The following NHSL1 variants were observed in gnomAD, a reference collection of about 807,000 sequenced individuals.
NHSL1 encodes the protein NHS-like protein 1.
NHSL1 carries 48 observed loss-of-function variants against 95.0 expected under a neutral mutation model. The ratio of observed to expected loss-of-function variants is 0.51; its 90% confidence interval spans 0.40 to 0.64. The LOEUF (loss-of-function observed/expected upper bound fraction) is 0.64, where lower values mean the gene tolerates loss of function less well. NHSL1 is among the 30% of genes least tolerant of loss of function. The probability of loss-of-function intolerance (pLI) is 0.00; values close to 1 mark genes in which losing one functional copy is unlikely to be tolerated. For synonymous variants in NHSL1, 783 were observed against 833.9 expected (o/e 0.94, Z 1.05); for missense variants, 1,971 against 2,077.7 (o/e 0.95, Z 1.00).
intron 1 of NHSL1, among the ~76,000 whole-genome samples, chr6:138,634,103 G>A (rs773916609): frequency 1.3e-5 from 2 of 151,846 alleles, no homozygotes; most frequent in African/African-American, 2.4e-5. Context: ...TAATCATATC[G>A]CCAGAGAAAA....
At chr6:138,459,089 T>C (rs759918217) in intron 3 of NHSL1, among the ~76,000 whole-genome samples, 12 of 152,050 alleles carry the variant, frequency 7.9e-5, no homozygotes, top group African/African-American at 2.9e-4. Flanking sequence ...CTCCACCTCC[T>C]GGGTTCTCCT....
chr6:138,591,480 G>C (rs1199559076), intron 1 of NHSL1, among the ~76,000 whole-genome samples: 1 of 152,066 alleles, frequency 6.6e-6, no homozygotes, highest in Non-Finnish European at 1.5e-5. Flanking sequence ...GTGGTGTGTT[G>C]ATCACAGCTC....
intron 1 of NHSL1, among the ~76,000 whole-genome samples, chr6:138,640,764 G>T (rs917599860): frequency 5.3e-5 from 8 of 152,116 alleles, no homozygotes; most frequent in African/African-American, 1.9e-4. Context: ...AATGTACAAG[G>T]TTGGTTCCCC....
chr6:138,580,614 A>T (rs1213362913), intron 1 of NHSL1, among the ~76,000 whole-genome samples: 1 of 152,206 alleles, frequency 6.6e-6, no homozygotes, highest in Admixed American at 6.5e-5. Flanking sequence ...CCAGCCTGCT[A>T]AAATCTTGAA....
chr6:138,645,397 C>A (rs986588701), intron 1 of NHSL1, among the ~76,000 whole-genome samples: 3 of 151,238 alleles, frequency 2.0e-5, no homozygotes, highest in African/African-American at 7.3e-5. Context: ...AAATTGTAAC[C>A]CTCTCTCTCT....
intron 1 of NHSL1, among the ~76,000 whole-genome samples, chr6:138,557,529 G>A (rs778945159): frequency 3.0e-4 from 45 of 152,228 alleles, no homozygotes; most frequent in Admixed American, 6.5e-5. Context: ...ATACAAAACA[G>A]TCACTGGAAG....
chr6:138,545,308 C>T (rs1367425538), intron 1 of NHSL1, among the ~76,000 whole-genome samples: 1 of 152,096 alleles, frequency 6.6e-6, no homozygotes, highest in Non-Finnish European at 1.5e-5. Flanking sequence ...TAAACTATTC[C>T]TATATTTATT....
intron 1 of NHSL1, chr6:138,545,533 G>C (rs1003349904): frequency 1.8e-5 from 17 of 953,846 alleles, no homozygotes; most frequent in Admixed American, 4.9e-5. Context: ...ATTTTTACTG[G>C]AATCAGCTCT....
intron 1 of NHSL1, among the ~76,000 whole-genome samples, chr6:138,606,857 C>T (rs1232054075): frequency 2.6e-5 from 4 of 151,944 alleles, no homozygotes; most frequent in Non-Finnish European, 5.9e-5. Context: ...TACCCGCCAC[C>T]GCACCTGGCT....
intron 3 of NHSL1, among the ~76,000 whole-genome samples, chr6:138,451,854 A>G (rs1777258622): frequency 6.6e-6 from 1 of 152,202 alleles, no homozygotes. Flanking sequence ...TTATGTCTGT[A>G]AATAAGAATG....
chr6:138,595,188 A>G (rs1784287351), intron 1 of NHSL1, among the ~76,000 whole-genome samples: 1 of 152,154 alleles, frequency 6.6e-6, no homozygotes, highest in Non-Finnish European at 1.5e-5. Flanking sequence ...TTCTTTCTAA[A>G]TAATATTTAC....
At chr6:138,550,443 A>C (rs1034683058), upstream of NHSL1, among the ~76,000 whole-genome samples, 10 of 152,230 alleles carry the variant, frequency 6.6e-5, no homozygotes, top group Non-Finnish European at 1.2e-4. Context: ...AGTAGGTCCA[A>C]GATGATGCAC....
chr6:138,624,375 AGAAGG>A (rs1784708040), intron 1 of NHSL1, among the ~76,000 whole-genome samples: 1 of 152,178 alleles, frequency 6.6e-6, no homozygotes. Flanking sequence ...CAGAGAAAAG[AGAAGG>A]GAAGGAGGGC....
chr6:138,633,770 G>T (rs2114665726), intron 1 of NHSL1, among the ~76,000 whole-genome samples: 1 of 152,266 alleles, frequency 6.6e-6, no homozygotes, highest in Admixed American at 6.5e-5. Context: ...TAAGCACACA[G>T]AAAAACACAG....
chr6:138,574,680 AAAAAAAAG>A (rs1418741043), upstream of NHSL1, among the ~76,000 whole-genome samples: 19 of 144,402 alleles, frequency 1.3e-4, no homozygotes, highest in Non-Finnish European at 1.6e-4. Flanking sequence ...TGCAAAAAAA[AAAAAAAAG>A]AAAAGAAAAA....
chr6:138,501,462 G>A (rs540905954), upstream of NHSL1, among the ~76,000 whole-genome samples: 37 of 152,274 alleles, frequency 2.4e-4, no homozygotes, highest in African/African-American at 7.0e-4. Context: ...CTGCAGCATC[G>A]TAGGAGTCAG....
At chr6:138,501,571 A>AAG (rs958134171), upstream of NHSL1, among the ~76,000 whole-genome samples, 24 of 152,080 alleles carry the variant, frequency 1.6e-4, no homozygotes, top group South Asian at 2.1e-4. Flanking sequence ...TCTCATTTTA[A>AAG]AGAGAGAGAG....
intron 1 of NHSL1, chr6:138,651,036 C>A (rs1785085526): frequency 4.9e-6 from 2 of 404,604 alleles, no homozygotes; most frequent in Admixed American, 3.3e-5. Flanking sequence ...TAACAAAGTT[C>A]TTCTAAATTA....
chr6:138,606,856 C>A (rs1583445908), intron 1 of NHSL1, among the ~76,000 whole-genome samples: 1 of 152,138 alleles, frequency 6.6e-6, no homozygotes, highest in East Asian at 1.9e-4. Context: ...GTACCCGCCA[C>A]CGCACCTGGC....
Sources: allele counts gnomAD v4.1 joint callset (sites outside exome capture counted in the v4.1 genomes callset), GRCh38; gene constraint gnomAD v4.1.1; transcripts MANE v1.5; gene names NCBI Gene and HGNC (gene_info 2026-07-23, HGNC 2026-07-21).